SLC22A23: variants seen among roughly 807,000 people sequenced by gnomAD.
SLC22A23 encodes the protein ion transporter protein.
Under a neutral mutation model 61.0 loss-of-function variants are expected in SLC22A23, and 26 were observed. That is an observed-to-expected ratio of 0.43 (90% CI 0.31 to 0.59). The LOEUF (loss-of-function observed/expected upper bound fraction) is 0.59, where lower values mean the gene tolerates loss of function less well. Among genes scored for constraint, SLC22A23 ranks in the 20% least tolerant of loss-of-function variants. The pLI, the probability that SLC22A23 is intolerant of heterozygous loss-of-function variation, is 0.11. For missense variants in SLC22A23, 796 were observed against 934.7 expected (o/e 0.85, Z 1.94); for synonymous variants, 430 against 413.9 (o/e 1.04, Z -0.47).
In SLC22A23 at chr6:3,410,369, G is replaced by T. The variant is rs1375934373; in HGVS notation, c.759-27C>A. ...TGCATATGGAGAGGGAAAAAGTTAG[G>T]AATCATTGTGAAACAAGACAATGAC... On this transcript the variant is annotated intron_variant, in intron 2 of 9. Transcript: ENST00000406686. The surrounding 1 kb of genome is among the most constrained non-coding windows in gnomAD (Gnocchi z 5.0). The T allele has an allele frequency of 9.0e-6, 14 of 1,551,196 alleles. No homozygotes were observed. The highest frequency in any genetic ancestry group is 1.2e-5 in the Non-Finnish European group (14 of 1,148,356).
At chr6:3,408,819 G>A (rs558889797) in intron 3 of SLC22A23, among the ~76,000 whole-genome samples, 31 of 152,306 alleles carry the variant, frequency 2.0e-4, no homozygotes, top group African/African-American at 7.5e-4. Context: ...ATCCACGTGA[G>A]AGGACTGGAC....
chr6:3,456,346 C>A lies in SLC22A23; in HGVS notation c.214G>T (p.Ala72Ser). 1 of 1,548,476 alleles carries A rather than the reference C, an allele frequency of 6.5e-7. No individual in the cohort carries two copies. Among genetic ancestry groups the A allele is most frequent in the Non-Finnish European group, 8.7e-7 (1 of 1,146,134 alleles). ...PHPSCCSAAA[A>S]PSLLLLDYDG... ...TAGTCCAGCAACAAGAGGCTCGGGG[C>A]CGCAGCCGCGGAGCAGCAGCTCGGG... Residue 72 changes from alanine to serine, a missense_variant, in exon 1 of 10, where the codon GCC becomes TCC. Ala to Ser is a moderately conservative substitution (Grantham distance 99). Coordinates refer to ENST00000406686, the MANE Select transcript of SLC22A23 (RefSeq NM_015482.2). The surrounding 1 kb of genome is among the most constrained non-coding windows in gnomAD (Gnocchi z 7.1).
rs569628336 is a variant in SLC22A23 at position 3,271,557 on chromosome 6, G to A, written c.*1498C>T. On this transcript the variant is annotated 3_prime_UTR_variant, in exon 10 of 10. Transcript: ENST00000406686. ...ACTTCATTGTCTCACCCAGGCCCGA[G>A]ACCACAATTTCCCTGGAAGGACACA... 1 of 152,490 alleles carries A rather than the reference G, an allele frequency of 6.6e-6. No individual in the cohort carries two copies. Among genetic ancestry groups the A allele is most frequent in the African/African-American group, 2.4e-5 (1 of 41,566 alleles). The allele number at this position is 152,490 out of a possible 1,614,324, so 9.4% of individuals were successfully genotyped here. A position where few individuals can be genotyped will look rare whatever the true frequency, so the allele number is the denominator to read the frequency against.
At chr6:3,406,027 A>T (rs1181722541) in intron 3 of SLC22A23, among the ~76,000 whole-genome samples, 4 of 152,136 alleles carry the variant, frequency 2.6e-5, no homozygotes, top group African/African-American at 9.7e-5. Context: ...TTTTCAAGAA[A>T]ATTGTTCATT....
At chr6:3,362,686 C>T (rs1004181114) in intron 3 of SLC22A23, among the ~76,000 whole-genome samples, 7 of 152,094 alleles carry the variant, frequency 4.6e-5, no homozygotes, top group South Asian at 2.1e-4. Flanking sequence ...CTGGCCTCTC[C>T]GTCTCTCCAC....
At chr6:3,361,450 CACAGAGAG>C (rs1765442860) in intron 3 of SLC22A23, among the ~76,000 whole-genome samples, 1 of 152,116 alleles carries the variant, frequency 6.6e-6, no homozygotes, top group Non-Finnish European at 1.5e-5. Flanking sequence ...AGCAGGATGT[CACAGAGAG>C]AGGGGTCCAA....
intron 5 of SLC22A23, 57 bp downstream of exon 5, chr6:3,298,034 G>T: frequency 6.9e-7 from 1 of 1,442,308 alleles, no homozygotes. Context: ...CAGCCCAGGT[G>T]TCAGGGACCT....
At position 3,328,868 on chromosome 6, in the gene SLC22A23, C is replaced by T. The variant is rs888786840; in HGVS notation, c.914-4866G>A. On this transcript the variant is annotated intron_variant, in intron 3 of 9. Transcript: ENST00000406686. This position sits in a 1 kb window ranked among gnomAD's most constrained non-coding sequence, Gnocchi z 5.0. ...TCACACAGGCTCACACGAGGCCTCC[C>T]GTGAAGCCCATCTCCGAAGCTGCAC... is the stretch of plus-strand genomic sequence containing the variant. Among the ~76,000 whole-genome samples, 14 of 151,764 alleles carry T rather than the reference C, an allele frequency of 9.2e-5. No homozygotes were observed. The highest frequency in any genetic ancestry group is 1.7e-4 in the African/African-American group (7 of 41,130).
At chr6:3,344,632 CAT>C (rs1581721822) in intron 3 of SLC22A23, among the ~76,000 whole-genome samples, 1 of 152,308 alleles carries the variant, frequency 6.6e-6, no homozygotes, top group East Asian at 1.9e-4. Flanking sequence ...AATTTGTACA[CAT>C]AGAGTGATGT....
intron 3 of SLC22A23, among the ~76,000 whole-genome samples, chr6:3,392,920 A>G (rs564238628): frequency 5.6e-4 from 85 of 152,196 alleles, no homozygotes; most frequent in African/African-American, 2.0e-3. Flanking sequence ...GCCTATGGAG[A>G]GGTGAATTAG....
At chr6:3,400,158 A>G (rs897328753) in intron 3 of SLC22A23, among the ~76,000 whole-genome samples, 2 of 152,332 alleles carry the variant, frequency 1.3e-5, no homozygotes, top group South Asian at 2.1e-4. Context: ...GATTACAGGC[A>G]TGAGCCACCG....
Position 3,298,731 on chromosome 6 carries a change from G to C in SLC22A23, c.1083-513C>G, listed in dbSNP as rs1007018828. The stretch of plus-strand genomic sequence containing the variant: ...CTCACGCCTGTAATCCCAGCACTTT[G>C]GGAGGCCGAGGCGGGTGGATCATGA... On this transcript the variant is annotated intron_variant, in intron 4 of 9. Transcript: ENST00000406686. Among the ~76,000 whole-genome samples the C allele has an allele frequency of 6.6e-4, 101 of 152,094 alleles. 2 individuals are homozygous for C. The highest frequency in any genetic ancestry group is 2.4e-3 in the African/African-American group (99 of 41,390).
Position 3,410,995 on chromosome 6 carries a change from G to A in SLC22A23, c.759-653C>T, listed in dbSNP as rs1200057267. 2.6e-5 allele frequency among the ~76,000 whole-genome samples: 4 copies of A among 152,236 alleles called. No individual in the cohort carries two copies. In the East Asian group the frequency reaches 7.7e-4, roughly 29 times the overall value. On this transcript the variant is annotated intron_variant, in intron 2 of 9. Coordinates refer to ENST00000406686, the MANE Select transcript of SLC22A23 (RefSeq NM_015482.2). This position sits in a 1 kb window ranked among gnomAD's most constrained non-coding sequence, Gnocchi z 5.0. ...CCTCGGCTGGACTGAGAGGCAGGGA[G>A]CCCAGGCTGTGATGATTCTCTGGAA...
intron 1 of SLC22A23, chr6:3,439,424 C>T (rs901865443): frequency 1.3e-5 from 5 of 384,314 alleles, no homozygotes; most frequent in East Asian, 1.5e-4. Flanking sequence ...AAGATGGGCC[C>T]GTTCCACGTG....
At chr6:3,283,750 A>T in intron 9 of SLC22A23, 102 bp downstream of exon 9, 1 of 1,566,840 alleles carries the variant, frequency 6.4e-7, no homozygotes, top group Non-Finnish European at 8.7e-7. Context: ...CCAGAGCCAG[A>T]GACAGAGCTG....
At chr6:3,282,340 G>A (rs1168506541) in intron 9 of SLC22A23, 1 of 702,052 alleles carries the variant, frequency 1.4e-6, no homozygotes, top group Non-Finnish European at 2.6e-6. Context: ...GGTAGGGACA[G>A]GATGAGTTCC....
chr6:3,307,507 G>T (rs1456606529), intron 4 of SLC22A23, among the ~76,000 whole-genome samples: 1 of 152,258 alleles, frequency 6.6e-6, no homozygotes, highest in Admixed American at 6.5e-5. Flanking sequence ...AGTGCCTTTA[G>T]CCTTCACTTG....
intron 3 of SLC22A23, among the ~76,000 whole-genome samples, chr6:3,379,350 G>A (rs1323323877): frequency 1.3e-5 from 2 of 152,130 alleles, no homozygotes; most frequent in South Asian, 2.1e-4. Context: ...GACTATCTAT[G>A]AACTCAAAAA....
intron 1 of SLC22A23, among the ~76,000 whole-genome samples, chr6:3,431,925 T>C (rs1187433549): frequency 6.6e-6 from 1 of 152,170 alleles, no homozygotes; most frequent in Non-Finnish European, 1.5e-5. Flanking sequence ...TATAATGCAT[T>C]GTAGTTGTTG....
Sources: allele counts gnomAD v4.1 joint callset (sites outside exome capture counted in the v4.1 genomes callset), GRCh38; gene constraint gnomAD v4.1.1; non-coding constraint Gnocchi (gnomAD v3.1); transcripts MANE v1.5; gene names NCBI Gene and HGNC (gene_info 2026-07-23, HGNC 2026-07-21).